The following ADGRB3 variants were observed in gnomAD, a reference collection of about 807,000 sequenced individuals.
The protein encoded by ADGRB3 is adhesion G protein-coupled receptor B3.
Under a neutral mutation model 193.4 loss-of-function variants are expected in ADGRB3, and 37 were observed. The observed-to-expected ratio is 0.19, with a 90% CI of 0.15 to 0.25. The LOEUF is 0.25. Among genes scored for constraint, ADGRB3 ranks in the 10% least tolerant of loss-of-function variants. The probability of loss-of-function intolerance (pLI) is 1.00; values close to 1 mark genes in which losing one functional copy is unlikely to be tolerated. For synonymous variants in ADGRB3, 690 were observed against 644.2 expected, an observed-to-expected ratio of 1.07 and a Z score of -1.08; for missense variants, 1,637 against 1,852.9, an observed-to-expected ratio of 0.88 and a Z score of 2.14.
intron 20 of ADGRB3, among the ~76,000 whole-genome samples, chr6:69,291,571 T>TATTTTTA (rs1767682691): frequency 1.3e-5 from 2 of 152,316 alleles, no homozygotes; most frequent in South Asian, 4.1e-4. Context: ...TAACTGCATT[T>TATTTTTA]ATTTTTAATA....
chr6:69,187,717 A>G (rs1765100044), intron 17 of ADGRB3, among the ~76,000 whole-genome samples: 1 of 152,194 alleles, frequency 6.6e-6, no homozygotes, highest in African/African-American at 2.4e-5. Flanking sequence ...GATGCTCTGC[A>G]TGTAGGGACT....
chr6:69,089,630 A>C (rs1416990794), intron 17 of ADGRB3, among the ~76,000 whole-genome samples: 3 of 152,192 alleles, frequency 2.0e-5, no homozygotes, highest in African/African-American at 7.2e-5. Flanking sequence ...TCTCTTTTAT[A>C]ACCACTTTAC....
At chr6:68,719,706 C>T (rs965408385) in intron 3 of ADGRB3, among the ~76,000 whole-genome samples, 54 of 150,820 alleles carry the variant, frequency 3.6e-4, no homozygotes, top group African/African-American at 1.2e-3. Context: ...CTTTTTTTTT[C>T]TTTTGAATCT....
At chr6:69,370,035 G>A in intron 29 of ADGRB3, among the ~76,000 whole-genome samples, 1 of 152,016 alleles carries the variant, frequency 6.6e-6, no homozygotes, top group East Asian at 1.9e-4. Flanking sequence ...TATCACTCCT[G>A]TATTACTGAG....
At chr6:68,998,917 A>G (rs1441311331) in intron 11 of ADGRB3, among the ~76,000 whole-genome samples, 1 of 152,172 alleles carries the variant, frequency 6.6e-6, no homozygotes, top group Admixed American at 6.5e-5. Context: ...GGATACAACT[A>G]TAAAACTGTA....
At chr6:68,879,545 T>C (rs974572770) in intron 3 of ADGRB3, among the ~76,000 whole-genome samples, 2 of 151,956 alleles carry the variant, frequency 1.3e-5, no homozygotes, top group Non-Finnish European at 2.9e-5. Context: ...TGTTGCTTTT[T>C]ATTCTCAGTA....
chr6:68,669,074 T>A (rs1456136385), intron 3 of ADGRB3, among the ~76,000 whole-genome samples: 2 of 151,866 alleles, frequency 1.3e-5, no homozygotes, highest in Admixed American at 6.6e-5. Flanking sequence ...TTATAATTTT[T>A]AAAAAAATGT....
intron 3 of ADGRB3, among the ~76,000 whole-genome samples, chr6:68,696,767 A>T (rs1003955585): frequency 6.6e-6 from 1 of 152,044 alleles, no homozygotes; most frequent in Non-Finnish European, 1.5e-5. Flanking sequence ...ACAATTAACC[A>T]TTTATTTTTA....
chr6:69,332,361 G>T, intron 23 of ADGRB3: 1 of 985,396 alleles, frequency 1.0e-6, no homozygotes. Flanking sequence ...AGATTCTGGT[G>T]AATTGAATAG....
At chr6:69,114,506 A>G (rs1561923074) in intron 17 of ADGRB3, among the ~76,000 whole-genome samples, 1 of 152,114 alleles carries the variant, frequency 6.6e-6, no homozygotes, top group Non-Finnish European at 1.5e-5. Context: ...GAAGCCCTTT[A>G]GATTAATTAG....
chr6:69,008,015 T>C (rs1259469564), intron 11 of ADGRB3, among the ~76,000 whole-genome samples: 2 of 152,078 alleles, frequency 1.3e-5, no homozygotes, highest in Admixed American at 6.6e-5. Context: ...GAAGGGTGTG[T>C]TAGCCAAACA....
At chr6:69,068,678 A>T (rs1399455230) in intron 16 of ADGRB3, among the ~76,000 whole-genome samples, 1 of 152,232 alleles carries the variant, frequency 6.6e-6, no homozygotes, top group Non-Finnish European at 1.5e-5. Flanking sequence ...AATGCAGGTT[A>T]GTGATATATC....
intron 29 of ADGRB3, among the ~76,000 whole-genome samples, chr6:69,367,867 G>T (rs1032792871): frequency 2.6e-5 from 4 of 151,692 alleles, no homozygotes; most frequent in African/African-American, 9.7e-5. Flanking sequence ...AAATTGGAAA[G>T]CATCATTCTC....
At chr6:69,116,661 A>C (rs1360137730) in intron 17 of ADGRB3, among the ~76,000 whole-genome samples, 2 of 152,228 alleles carry the variant, frequency 1.3e-5, no homozygotes, top group Admixed American at 1.3e-4. Context: ...GGAGTTTCTG[A>C]AAGATACAAT....
At chr6:68,758,533 C>T (rs1422488912) in intron 3 of ADGRB3, among the ~76,000 whole-genome samples, 2 of 152,012 alleles carry the variant, frequency 1.3e-5, no homozygotes, top group Admixed American at 6.6e-5. Flanking sequence ...TCATTTGTGT[C>T]GTCTATGATT....
intron 17 of ADGRB3, among the ~76,000 whole-genome samples, chr6:69,220,047 G>GT (rs562963025): frequency 8.6e-5 from 13 of 150,878 alleles, no homozygotes; most frequent in African/African-American, 1.2e-4. Flanking sequence ...TCTCATGACA[G>GT]TTTTTTTTTC....
intron 3 of ADGRB3, among the ~76,000 whole-genome samples, chr6:68,696,895 C>G (rs549841278): frequency 6.6e-6 from 1 of 151,964 alleles, no homozygotes; most frequent in Non-Finnish European, 1.5e-5. Context: ...AAAAACCTTT[C>G]GTCCTCCTGT....
intron 3 of ADGRB3, among the ~76,000 whole-genome samples, chr6:68,861,455 G>A (rs530310674): frequency 1.2e-4 from 18 of 152,138 alleles, no homozygotes; most frequent in South Asian, 8.3e-4. Flanking sequence ...CCAGCTGCTC[G>A]GGAGGTGGAG....
At chr6:68,885,084 T>G (rs1242970167) in intron 3 of ADGRB3, among the ~76,000 whole-genome samples, 2 of 152,222 alleles carry the variant, frequency 1.3e-5, no homozygotes, top group Admixed American at 1.3e-4. Flanking sequence ...TTGCCATGTT[T>G]AATTGCTTAA....
Sources: gnomAD v4.1 joint callset for allele counts (sites outside exome capture counted in the v4.1 genomes callset) on GRCh38, gnomAD v4.1.1 for gene constraint, MANE v1.5 for transcripts, NCBI Gene and HGNC (gene_info 2026-07-23, HGNC 2026-07-21) for gene names.